Variants in REPS1 observed in about 807,000 individuals in gnomAD.
The protein encoded by REPS1 is ralBP1-associated Eps domain-containing protein 1.
In REPS1, 39 loss-of-function variants were observed where a neutral mutation model predicts 100.9. The observed-to-expected ratio is 0.39, with a 90% CI of 0.30 to 0.50. The LOEUF is 0.50. Among genes scored for constraint, REPS1 ranks in the 20% least tolerant of loss-of-function variants. REPS1 has a pLI of 0.86. For missense variants in REPS1, 821 were observed against 968.5 expected (o/e 0.85, Z 2.02); for synonymous variants, 324 against 340.3 (o/e 0.95, Z 0.53).
At chr6:138,979,146 ACTCC>A in intron 1 of REPS1, among the ~76,000 whole-genome samples, 1 of 132,992 alleles carries the variant, frequency 7.5e-6, no homozygotes, top group East Asian at 2.5e-4. Flanking sequence ...AGGCCATTGC[ACTCC>A]AGCCTGGGCG....
intron 8 of REPS1, among the ~76,000 whole-genome samples, chr6:138,931,992 C>T (rs1781509560): frequency 6.6e-6 from 1 of 152,102 alleles, no homozygotes; most frequent in Admixed American, 6.5e-5. Context: ...TAAAGCAAGA[C>T]TCTATTACTT....
chr6:138,912,468 A>G (rs537367252), intron 16 of REPS1, among the ~76,000 whole-genome samples: 33 of 152,318 alleles, frequency 2.2e-4, no homozygotes, highest in African/African-American at 7.9e-4. Flanking sequence ...AATCTTCACC[A>G]AATCACACAG....
chr6:138,915,052 G>C (rs1218320425), intron 14 of REPS1: 1 of 344,562 alleles, frequency 2.9e-6, no homozygotes, highest in Admixed American at 4.7e-5. Flanking sequence ...GTGTATCTCT[G>C]ACTGCTGTTT....
chr6:138,905,659 C>T (rs1220303121), intron 19 of REPS1, among the ~76,000 whole-genome samples: 2 of 152,192 alleles, frequency 1.3e-5, no homozygotes, highest in African/African-American at 2.4e-5. Flanking sequence ...TTTCTTATTA[C>T]ACAAATCAGG....
At chr6:138,916,016 T>A in intron 13 of REPS1, 40 bp from the exon 14 acceptor site, 1 of 1,402,654 alleles carries the variant, frequency 7.1e-7, no homozygotes. Context: ...ATACTACTGA[T>A]ATCAGAGCTT....
At chr6:138,984,248 T>C (rs558211684) in intron 1 of REPS1, among the ~76,000 whole-genome samples, 17 of 152,106 alleles carry the variant, frequency 1.1e-4, no homozygotes, top group African/African-American at 4.1e-4. Context: ...CACATGCGGC[T>C]AATTTTGTAT....
chr6:138,978,941 G>C (rs1332242630), intron 1 of REPS1, among the ~76,000 whole-genome samples: 2 of 151,982 alleles, frequency 1.3e-5, no homozygotes, highest in Non-Finnish European at 1.5e-5. Context: ...CCAGCACTTT[G>C]GGAGGCCAAG....
chr6:138,972,789 A>G (rs966648285), intron 1 of REPS1, among the ~76,000 whole-genome samples: 4 of 152,212 alleles, frequency 2.6e-5, no homozygotes, highest in Non-Finnish European at 5.9e-5. Context: ...GACCAACTTT[A>G]AAAGTATTAA....
At chr6:138,951,435 T>C (rs1030512332) in intron 1 of REPS1, among the ~76,000 whole-genome samples, 1 of 152,162 alleles carries the variant, frequency 6.6e-6, no homozygotes, top group African/African-American at 2.4e-5. Flanking sequence ...TTTCCTAACA[T>C]AGAACCTTCC....
At chr6:138,964,938 T>C (rs1398565452) in intron 1 of REPS1, among the ~76,000 whole-genome samples, 1 of 152,126 alleles carries the variant, frequency 6.6e-6, no homozygotes, top group African/African-American at 2.4e-5. Flanking sequence ...AAGGGAATCA[T>C]AAAGAATGGG....
chr6:138,921,040 T>C lies in REPS1; in HGVS notation c.1423A>G (p.Ser475Gly). ...AAACCAGCAACAGCTTCCTTACCGC[T>C]GCCAGTTCTTTTAAGTTCCATTTCC... ...MQEMELKRTG[S>G]DHTNPTSPLL... Residue 475 changes from serine (S) to glycine (G), a missense_variant, in exon 11 of 20, where the codon AGC becomes GGC. Physicochemically the swap from Ser to Gly is moderately conservative, Grantham distance 56. Around this residue, in one of 3 missense-constraint regions of REPS1, gnomAD observed 757 missense variants for 866.4 expected, o/e 0.87. Coordinates refer to ENST00000450536, the MANE Select transcript of REPS1 (RefSeq NM_001286611.2). 2 of 1,609,734 alleles carry C rather than the reference T, an allele frequency of 1.2e-6. No homozygotes were observed. Among genetic ancestry groups the C allele is most frequent in the Non-Finnish European group, 1.7e-6 (2 of 1,176,424 alleles).
chr6:138,924,961 TAAAATA>T (rs1220128680), intron 10 of REPS1, among the ~76,000 whole-genome samples: 1 of 152,114 alleles, frequency 6.6e-6, no homozygotes, highest in Non-Finnish European at 1.5e-5. Flanking sequence ...TAATAGACAA[TAAAATA>T]AACATTTTAA....
intron 1 of REPS1, among the ~76,000 whole-genome samples, chr6:138,961,781 A>T (rs1302356308): frequency 6.6e-6 from 1 of 152,204 alleles, no homozygotes; most frequent in Admixed American, 6.5e-5. Flanking sequence ...TGATAGAAGG[A>T]ATTCTTGGTT....
At chr6:138,956,561 C>T (rs58642558) in intron 1 of REPS1, among the ~76,000 whole-genome samples, 21,752 of 151,880 alleles carry the variant, frequency 0.14, 1,873 homozygotes, top group South Asian at 0.37. Flanking sequence ...GCTGTTGCCC[C>T]TGGTAAGTCT....
intron 1 of REPS1, among the ~76,000 whole-genome samples, chr6:138,977,308 T>C (rs188691205): frequency 6.6e-6 from 1 of 152,328 alleles, no homozygotes; most frequent in Non-Finnish European, 1.5e-5. Context: ...CCACACAATA[T>C]GTACTCTTTT....
At chr6:138,919,533 C>T (rs1390175638) in intron 12 of REPS1, among the ~76,000 whole-genome samples, 1 of 152,202 alleles carries the variant, frequency 6.6e-6, no homozygotes, top group Non-Finnish European at 1.5e-5. Flanking sequence ...CCTTTCCCTG[C>T]CAAATTTGCT....
intron 1 of REPS1, among the ~76,000 whole-genome samples, chr6:138,981,625 G>A (rs896776353): frequency 1.3e-5 from 2 of 152,158 alleles, no homozygotes; most frequent in African/African-American, 2.4e-5. Context: ...CTAACCACAA[G>A]ACTTTGTGCT....
At chr6:138,925,086 C>T (rs1361195650) in intron 10 of REPS1, among the ~76,000 whole-genome samples, 2 of 152,070 alleles carry the variant, frequency 1.3e-5, no homozygotes, top group African/African-American at 4.8e-5. Context: ...TGGCTCACAC[C>T]TGTAATCCCA....
chr6:138,959,586 C>G (rs984690554), intron 1 of REPS1, among the ~76,000 whole-genome samples: 1 of 152,040 alleles, frequency 6.6e-6, no homozygotes, highest in Admixed American at 6.6e-5. Flanking sequence ...TTAAATGGAA[C>G]GGGGTCAGTG....
Sources: allele counts gnomAD v4.1 joint callset (sites outside exome capture counted in the v4.1 genomes callset), GRCh38; gene constraint gnomAD v4.1.1; regional missense constraint gnomAD v4.1.1; transcripts MANE v1.5; gene names NCBI Gene and HGNC (gene_info 2026-07-23, HGNC 2026-07-21).